The following GRIK3 variants were observed in gnomAD, a reference collection of about 807,000 sequenced individuals.
GRIK3 encodes glutamate receptor ionotropic, kainate 3.
GRIK3 carries 29 observed loss-of-function variants against 102.5 expected under a neutral mutation model. The observed-to-expected ratio is 0.28, with a 90% CI of 0.21 to 0.39. The LOEUF (loss-of-function observed/expected upper bound fraction) is 0.39, where lower values mean the gene tolerates loss of function less well. GRIK3 is among the 10% of genes least tolerant of loss of function. The probability of loss-of-function intolerance (pLI) is 1.00; values close to 1 mark genes in which losing one functional copy is unlikely to be tolerated. For missense variants in GRIK3, 908 were observed against 1,252.4 expected, an observed-to-expected ratio of 0.73 and a Z score of 4.15; for synonymous variants, 511 against 504.9, an observed-to-expected ratio of 1.01 and a Z score of -0.16.
intron 7 of GRIK3, among the ~76,000 whole-genome samples, 167 bp downstream of exon 7, chr1:36,858,941 T>C (rs1215749065): frequency 3.3e-5 from 5 of 152,214 alleles, no homozygotes; most frequent in Non-Finnish European, 7.4e-5. Flanking sequence ...AGTTTGGTCC[T>C]ATGGAGCCCA....
chr1:37,027,851 G>C (rs547041133), intron 1 of GRIK3, among the ~76,000 whole-genome samples: 1 of 152,210 alleles, frequency 6.6e-6, no homozygotes, highest in African/African-American at 2.4e-5. Flanking sequence ...ATGGGAGAAG[G>C]AATACTGCAG....
intron 1 of GRIK3, among the ~76,000 whole-genome samples, chr1:36,931,076 C>T (rs1641583687): frequency 6.6e-6 from 1 of 152,196 alleles, no homozygotes; most frequent in Non-Finnish European, 1.5e-5. Flanking sequence ...TGGAGTCAAG[C>T]TCAGCAGAGT....
intron 1 of GRIK3, among the ~76,000 whole-genome samples, chr1:36,990,973 C>T (rs992387580): frequency 9.2e-5 from 14 of 152,108 alleles, no homozygotes; most frequent in Non-Finnish European, 1.6e-4. Flanking sequence ...GCTTCAGGGC[C>T]CCACCCCACC....
At chr1:36,895,700 A>G (rs1482436834) in intron 1 of GRIK3, among the ~76,000 whole-genome samples, 1 of 152,208 alleles carries the variant, frequency 6.6e-6, no homozygotes, top group African/African-American at 2.4e-5. Flanking sequence ...AATGATCAGG[A>G]GAAATATTTG....
chr1:36,867,328 C>T (rs1640796438), intron 5 of GRIK3, among the ~76,000 whole-genome samples: 1 of 152,120 alleles, frequency 6.6e-6, no homozygotes, highest in South Asian at 2.1e-4. Context: ...CTCAATGGGG[C>T]ACCATAGTTA....
intron 10 of GRIK3, 152 bp from the exon 11 acceptor site, chr1:36,825,978 C>G: frequency 1.7e-6 from 1 of 596,422 alleles, no homozygotes; most frequent in Non-Finnish European, 2.9e-6. Context: ...TTTACTAACC[C>G]TCCTTCAGGG....
At chr1:37,021,884 C>T (rs1432864312) in intron 1 of GRIK3, among the ~76,000 whole-genome samples, 1 of 152,180 alleles carries the variant, frequency 6.6e-6, no homozygotes, top group East Asian at 1.9e-4. Context: ...TCCTCAGTTT[C>T]CCCACTGATA....
chr1:36,975,450 A>G (rs561877810), intron 1 of GRIK3, among the ~76,000 whole-genome samples: 69 of 152,180 alleles, frequency 4.5e-4, no homozygotes, highest in African/African-American at 1.6e-3. Flanking sequence ...GCATGCCACC[A>G]TGCCCAGCTG....
At chr1:36,972,134 C>T (rs1642149515) in intron 1 of GRIK3, among the ~76,000 whole-genome samples, 1 of 152,234 alleles carries the variant, frequency 6.6e-6, no homozygotes. Context: ...GGCTCCTGAT[C>T]CATCTTTGGC....
At chr1:36,870,336 A>G (rs1486891188) in intron 4 of GRIK3, among the ~76,000 whole-genome samples, 1 of 152,242 alleles carries the variant, frequency 6.6e-6, no homozygotes, top group African/African-American at 2.4e-5. Flanking sequence ...CTGGCTGACC[A>G]CAAAGCAGGC....
Position 36,859,268 on chromosome 1 carries a change from G to T in GRIK3, c.961-17C>A, listed in dbSNP as rs564739095. On this transcript the variant is annotated splice_polypyrimidine_tract_variant and intron_variant, in intron 6 of 15. Transcript: ENST00000373091. ...TGCATCAGTCTGCAGGGAAGGGCCT[G>T]CCTGAGAGCGGCTCCCAAGGCCCTC... is the stretch of plus-strand genomic sequence containing the variant. 7 of 1,590,480 alleles carry T rather than the reference G, an allele frequency of 4.4e-6. No individual in the cohort carries two copies. The highest frequency in any genetic ancestry group is 1.7e-5 in the Admixed American group (1 of 58,716).
intron 1 of GRIK3, among the ~76,000 whole-genome samples, chr1:37,013,612 G>A (rs899268278): frequency 2.0e-5 from 3 of 152,224 alleles, no homozygotes; most frequent in African/African-American, 4.8e-5. Flanking sequence ...CTCCGCTGCC[G>A]AGAGCTCTGC....
At chr1:36,844,077 GC>G (rs2124219485) in intron 9 of GRIK3, among the ~76,000 whole-genome samples, 1 of 152,296 alleles carries the variant, frequency 6.6e-6, no homozygotes, top group Admixed American at 6.5e-5. Flanking sequence ...TGAGCCTTTG[GC>G]CCTCTCTCCC....
rs79720454 is a variant in GRIK3 at position 37,021,836 on chromosome 1, T to C, written c.115+12158A>G. ...CAGTCACATTGGTACAGTAGACAGA[T>C]CAGCCCAGTCAGTCAGGAACTGGGA... On this transcript the variant is annotated intron_variant, in intron 1 of 15. Transcript: ENST00000373091. Among the ~76,000 whole-genome samples, 124 of 152,272 alleles carry C rather than the reference T, an allele frequency of 8.1e-4. 5 individuals carry two copies. The East Asian group carries it at 0.021, about 26-fold the overall frequency.
intron 5 of GRIK3, among the ~76,000 whole-genome samples, chr1:36,861,449 C>T (rs1640724562): frequency 6.6e-6 from 1 of 152,152 alleles, no homozygotes; most frequent in South Asian, 2.1e-4. Context: ...CCATCTGGTG[C>T]TGGGAAGGAG....
At chr1:36,824,676 C>A (rs1457456888) in intron 11 of GRIK3, among the ~76,000 whole-genome samples, 1 of 152,116 alleles carries the variant, frequency 6.6e-6, no homozygotes, top group Non-Finnish European at 1.5e-5. Flanking sequence ...AAAAAAAGGA[C>A]CAGATCAGGG....
At chr1:37,019,939 C>T (rs1053336115) in intron 1 of GRIK3, among the ~76,000 whole-genome samples, 2 of 152,154 alleles carry the variant, frequency 1.3e-5, no homozygotes, top group South Asian at 2.1e-4. Context: ...TGCTGTGTGA[C>T]GTCCAAGATG....
chr1:36,955,842 T>C (rs1363508579), intron 1 of GRIK3, among the ~76,000 whole-genome samples: 1 of 152,236 alleles, frequency 6.6e-6, no homozygotes, highest in South Asian at 2.1e-4. Flanking sequence ...ACCTCATCCC[T>C]GTCAGTAAGG....
chr1:36,852,602 A>G (rs1640598132), intron 8 of GRIK3, among the ~76,000 whole-genome samples: 1 of 152,198 alleles, frequency 6.6e-6, no homozygotes, highest in South Asian at 2.1e-4. Flanking sequence ...GGATGGCTGG[A>G]GGGCTCAAGA....
Sources: allele counts gnomAD v4.1 joint callset (sites outside exome capture counted in the v4.1 genomes callset), GRCh38; gene constraint gnomAD v4.1.1; transcripts MANE v1.5; gene names NCBI Gene and HGNC (gene_info 2026-07-23, HGNC 2026-07-21).